PCDH15: variants seen among roughly 807,000 people sequenced by gnomAD.
PCDH15 encodes the protein protocadherin related 15.
PCDH15 carries 129 observed loss-of-function variants against 178.5 expected under a neutral mutation model. The observed-to-expected ratio is 0.72, with a 90% CI of 0.63 to 0.84. PCDH15 has a LOEUF of 0.84. Among genes scored for constraint, PCDH15 ranks in the 40% least tolerant of loss-of-function variants. PCDH15 has a pLI of 0.00. For synonymous variants in PCDH15, 800 were observed against 732.0 expected (o/e 1.09, Z -1.50); for missense variants, 2,230 against 2,099.9 (o/e 1.06, Z -1.21).
intron 3 of PCDH15, among the ~76,000 whole-genome samples, chr10:54,422,528 G>A (rs780931157): frequency 9.2e-5 from 14 of 152,104 alleles, no homozygotes; most frequent in Non-Finnish European, 1.6e-4. Flanking sequence ...TCGGCACTAC[G>A]ACATTTTGGG....
rs114552059 is a variant in PCDH15, at chr10:54,614,493, C to T, written c.91+49679G>A. 8.5e-3 allele frequency among the ~76,000 whole-genome samples: 1,284 copies of T among 151,828 alleles called. 16 individuals are homozygous for T. The highest frequency in any genetic ancestry group is 0.03 in the African/African-American group (1,228 of 41,438). On this transcript the variant is annotated intron_variant, in intron 2 of 37. Transcript: ENST00000644397. ...GCTTTTCAAAGTCAAGTACTTTATC[C>T]CTTTGGAAGTTTTAGCAATTTAAAC...
chr10:54,692,561 T>G (rs1446903929), intron 1 of PCDH15, among the ~76,000 whole-genome samples: 3 of 152,194 alleles, frequency 2.0e-5, no homozygotes, highest in Non-Finnish European at 4.4e-5. Context: ...GGACATCTCA[T>G]GCATAGAAAA....
chr10:55,250,534 C>CTTTT (rs777000807), intron 1 of PCDH15, among the ~76,000 whole-genome samples: 63 of 107,964 alleles, frequency 5.8e-4, no homozygotes, highest in East Asian at 2.5e-3. Flanking sequence ...TAAATAAATT[C>CTTTT]TTTTTTTTTT....
chr10:55,457,051 A>G (rs1839569475), intron 2 of PCDH15, among the ~76,000 whole-genome samples: 1 of 152,082 alleles, frequency 6.6e-6, no homozygotes, highest in South Asian at 2.1e-4. Flanking sequence ...AAAATCTAGA[A>G]TTACATGAGC....
At chr10:55,478,361 G>A (rs374367720) in intron 2 of PCDH15, among the ~76,000 whole-genome samples, 7 of 151,530 alleles carry the variant, frequency 4.6e-5, no homozygotes, top group Admixed American at 1.3e-4. Flanking sequence ...ACATCTGCAG[G>A]ATACGTGAAA....
At chr10:54,974,771 A>T (rs976444416) in intron 2 of PCDH15, among the ~76,000 whole-genome samples, 1 of 152,168 alleles carries the variant, frequency 6.6e-6, no homozygotes, top group Non-Finnish European at 1.5e-5. Flanking sequence ...TTACCATGTA[A>T]TGTGGTGTCC....
chr10:54,190,538 G>T (rs1455942922), intron 11 of PCDH15, among the ~76,000 whole-genome samples: 3 of 152,134 alleles, frequency 2.0e-5, no homozygotes, highest in African/African-American at 4.8e-5. Context: ...CAATTAGTGA[G>T]ACTACAAGCA....
In PCDH15 at chr10:54,967,910, A is replaced by G. The variant is rs547676594; in HGVS notation, c.-79-70410T>C. On this transcript the variant is annotated intron_variant, in intron 2 of 5. Coordinates refer to the PCDH15 transcript ENST00000458638. ...GTGTGCACCTCACTGGCATCACCCTATGTGCTCAGTGTCCTCATAGAACAC... is the reference window on the plus strand; with the variant it reads ...GTGTGCACCTCACTGGCATCACCCTGTGTGCTCAGTGTCCTCATAGAACAC... Among the ~76,000 whole-genome samples the G allele has an allele frequency of 3.3e-5, 5 of 152,204 alleles. No individual in the cohort carries two copies. The South Asian group carries it at 8.3e-4, about 25-fold the overall frequency.
At chr10:54,893,561 G>A (rs1954499702) in intron 3 of PCDH15, among the ~76,000 whole-genome samples, 1 of 152,044 alleles carries the variant, frequency 6.6e-6, no homozygotes, top group Non-Finnish European at 1.5e-5. Flanking sequence ...TGTTTCGGGT[G>A]TGGGGGTGCA....
At chr10:53,888,325 TATATATGTAC>T (rs1458251296) in intron 26 of PCDH15, among the ~76,000 whole-genome samples, 2 of 115,072 alleles carry the variant, frequency 1.7e-5, no homozygotes, top group Admixed American at 1.0e-4. Context: ...TATGTACGTA[TATATATGTAC>T]GTATATATAT....
chr10:54,286,738 T>C (rs990826530), intron 8 of PCDH15, among the ~76,000 whole-genome samples: 1 of 152,212 alleles, frequency 6.6e-6, no homozygotes, highest in Non-Finnish European at 1.5e-5. Context: ...CAATTCTTCC[T>C]GCCTCAGCCT....
At chr10:54,290,451 G>A (rs1252190516) in intron 8 of PCDH15, among the ~76,000 whole-genome samples, 2 of 152,214 alleles carry the variant, frequency 1.3e-5, no homozygotes, top group East Asian at 1.9e-4. Context: ...ATGCCAAATT[G>A]TAAAGACCAT....
chr10:54,779,466 A>ATG (rs1950089192), intron 1 of PCDH15, among the ~76,000 whole-genome samples: 1 of 94,526 alleles, frequency 1.1e-5, no homozygotes, highest in South Asian at 3.4e-4. Context: ...ATATGTGTGT[A>ATG]TATATATACA....
intron 3 of PCDH15, among the ~76,000 whole-genome samples, chr10:54,827,071 A>G (rs537476513): frequency 6.6e-6 from 1 of 152,190 alleles, no homozygotes; most frequent in South Asian, 2.1e-4. Context: ...CACATATGGG[A>G]ATACATGTGT....
At chr10:54,134,323 A>G (rs76962564) in intron 14 of PCDH15, among the ~76,000 whole-genome samples, 2,528 of 148,898 alleles carry the variant, frequency 0.017, 339 homozygotes, top group African/African-American at 0.059. Flanking sequence ...GATAACAGGT[A>G]TGAGCACCAC....
chr10:54,534,318 C>A (rs2084251769), intron 2 of PCDH15, among the ~76,000 whole-genome samples: 1 of 152,032 alleles, frequency 6.6e-6, no homozygotes, highest in South Asian at 2.1e-4. Context: ...AAAGTAATTA[C>A]ATGAAATGTC....
At chr10:55,515,010 G>A (rs1031687390) in intron 2 of PCDH15, among the ~76,000 whole-genome samples, 5 of 110,928 alleles carry the variant, frequency 4.5e-5, no homozygotes, top group African/African-American at 1.4e-4. Context: ...TTTTTTTTGA[G>A]ATGGAGTCCC....
At chr10:53,999,528 T>A (rs1281005151) in intron 20 of PCDH15, among the ~76,000 whole-genome samples, 1 of 152,192 alleles carries the variant, frequency 6.6e-6, no homozygotes, top group Admixed American at 6.5e-5. Flanking sequence ...ACTGCCAGGC[T>A]AGGCATATTC....
In PCDH15 at chr10:54,611,832, T is replaced by A. The variant is rs573540350; in HGVS notation, c.91+52340A>T. On this transcript the variant is annotated intron_variant, in intron 2 of 37. Transcript: ENST00000644397. ...TTCCTTGTTTCACCATATTCCTACTTGTTTTGTCTTCAACACTTTCTGAGA... is the reference window on the plus strand; with the variant it reads ...TTCCTTGTTTCACCATATTCCTACTAGTTTTGTCTTCAACACTTTCTGAGA... Among the ~76,000 whole-genome samples the A allele has an allele frequency of 5.1e-4, 77 of 152,010 alleles. 1 individual carries two copies. Among genetic ancestry groups the A allele is most frequent in the Admixed American group, 8.5e-4 (13 of 15,220 alleles).
Sources: allele counts gnomAD v4.1 joint callset (sites outside exome capture counted in the v4.1 genomes callset), GRCh38; gene constraint gnomAD v4.1.1; transcripts MANE v1.5; gene names NCBI Gene and HGNC (gene_info 2026-07-23, HGNC 2026-07-21).